The following STOX2 variants were observed in gnomAD, a reference collection of about 807,000 sequenced individuals.
The protein encoded by STOX2 is storkhead box 2, also known as storkhead-box protein 2.
In STOX2, 28 loss-of-function variants were observed where a neutral mutation model predicts 60.9. That is an observed-to-expected ratio of 0.46 (90% CI 0.34 to 0.63). STOX2 has a LOEUF of 0.63. Among genes scored for constraint, STOX2 ranks in the 30% least tolerant of loss-of-function variants. The pLI is 0.01. For missense variants in STOX2, 1,024 were observed against 1,187.7 expected, an observed-to-expected ratio of 0.86 and a Z score of 2.03; for synonymous variants, 472 against 463.9, an observed-to-expected ratio of 1.02 and a Z score of -0.22.
chr4:183,816,211 T>A (rs893369876), intron 1 of STOX2, among the ~76,000 whole-genome samples: 1 of 152,188 alleles, frequency 6.6e-6, no homozygotes, highest in Non-Finnish European at 1.5e-5. Flanking sequence ...TTAGCCTTAG[T>A]CATAAAAGTC....
chr4:183,948,399 T>G (rs552231361), intron 1 of STOX2, among the ~76,000 whole-genome samples: 1 of 151,970 alleles, frequency 6.6e-6, no homozygotes, highest in South Asian at 2.1e-4. Context: ...GGTGGAATGT[T>G]TTCCAGTAGC....
At chr4:183,907,244 C>G (rs1297321340) in intron 1 of STOX2, among the ~76,000 whole-genome samples, 1 of 152,216 alleles carries the variant, frequency 6.6e-6, no homozygotes, top group African/African-American at 2.4e-5. Flanking sequence ...GGCGCTGCAG[C>G]CTCCTCGAGC....
chr4:183,836,258 A>C lies in STOX2; in HGVS notation c.364+38203A>C, dbSNP rs1739705439. Among the ~76,000 whole-genome samples, 1 of 152,010 alleles carries C rather than the reference A, an allele frequency of 6.6e-6. No individual in the cohort carries two copies. Among genetic ancestry groups the C allele is most frequent in the Admixed American group, 6.6e-5 (1 of 15,252 alleles). ...ACTCTCCTTCTCCTGGCTTGTGGAG[A>C]TTGCTTTATCCTCTGAGGTTGCACC... On this transcript the variant is annotated intron_variant, in intron 1 of 2. Transcript: ENST00000513034. This position sits in a 1 kb window ranked among gnomAD's most constrained non-coding sequence, Gnocchi z 4.1.
At position 184,020,876 on chromosome 4, in the gene STOX2, A is replaced by G. The variant is rs572569631; in HGVS notation, c.*3592A>G. 6.6e-6 allele frequency: 1 copy of G among 152,322 alleles called. No homozygotes were observed. The highest frequency in any genetic ancestry group is 2.1e-4 in the South Asian group (1 of 4,828). 9.4% of individuals were successfully genotyped at this position (152,322 alleles called of 1,614,324 possible). A position where few individuals can be genotyped will look rare whatever the true frequency, so the allele number is the denominator to read the frequency against. ...GGTCCCTCTTTTTCATAGCCCAACC[A>G]GCATCTAAAATGTAAATTTAAATTA... On this transcript the variant is annotated 3_prime_UTR_variant, in exon 4 of 4. Transcript: ENST00000308497.
intron 1 of STOX2, among the ~76,000 whole-genome samples, chr4:183,807,116 G>A (rs1738916228): frequency 6.6e-6 from 1 of 152,108 alleles, no homozygotes; most frequent in Non-Finnish European, 1.5e-5. Flanking sequence ...GGGACTGCAG[G>A]CGACCACCAC....
intron 1 of STOX2, among the ~76,000 whole-genome samples, chr4:183,998,176 A>G (rs1392088179): frequency 6.6e-6 from 1 of 152,172 alleles, no homozygotes; most frequent in Non-Finnish European, 1.5e-5. Context: ...TATAATAGGC[A>G]CACGTTGGAA....
At chr4:183,880,774 C>G (rs1740941039) in intron 1 of STOX2, among the ~76,000 whole-genome samples, 1 of 152,186 alleles carries the variant, frequency 6.6e-6, no homozygotes, top group African/African-American at 2.4e-5. Flanking sequence ...ATTTGAACAA[C>G]CAACATGAAA....
intron 1 of STOX2, among the ~76,000 whole-genome samples, chr4:183,843,760 A>C (rs1223934178): frequency 6.6e-6 from 1 of 152,214 alleles, no homozygotes; most frequent in Non-Finnish European, 1.5e-5. Context: ...TTTAGTTATT[A>C]TAAAGGTAAT....
intron 1 of STOX2, among the ~76,000 whole-genome samples, chr4:183,972,938 A>G (rs1743785748): frequency 6.6e-6 from 1 of 152,222 alleles, no homozygotes; most frequent in South Asian, 2.1e-4. Context: ...ACTGAAATAT[A>G]TAATAATCAA....
rs909507137 is a variant in STOX2 at position 183,825,294 on chromosome 4, C to A, written c.364+27239C>A. ...GAGGCTGTGGGCGAGGAAGGAAGGACGTGTTCTTAGGAGGGAGATGCAGCT... is the reference window on the plus strand; with the variant it reads ...GAGGCTGTGGGCGAGGAAGGAAGGAAGTGTTCTTAGGAGGGAGATGCAGCT... On this transcript the variant is annotated intron_variant, in intron 1 of 2. Transcript: ENST00000513034. This position sits in a 1 kb window ranked among gnomAD's most constrained non-coding sequence, Gnocchi z 4.1. 6.6e-6 allele frequency among the ~76,000 whole-genome samples: 1 copy of A among 152,086 alleles called. No individual in the cohort carries two copies. The highest frequency in any genetic ancestry group is 1.5e-5 in the Non-Finnish European group (1 of 68,014).
chr4:183,904,847 C>A (rs1487297894), upstream of STOX2, among the ~76,000 whole-genome samples: 3 of 152,234 alleles, frequency 2.0e-5, no homozygotes, highest in Admixed American at 2.0e-4. Context: ...CTTCCTGAAT[C>A]CTAACCAGCT....
chr4:183,957,557 T>C (rs1323089155), intron 1 of STOX2, among the ~76,000 whole-genome samples: 8 of 152,256 alleles, frequency 5.3e-5, no homozygotes, highest in African/African-American at 1.4e-4. Context: ...AATGGACTCA[T>C]GGATTTCTTT....
At chr4:183,932,447 T>C (rs543617448) in intron 1 of STOX2, among the ~76,000 whole-genome samples, 29 of 130,880 alleles carry the variant, frequency 2.2e-4, no homozygotes, top group East Asian at 1.1e-3. Flanking sequence ...ATACAGTATA[T>C]GTATGTATAC....
chr4:183,816,211 T>C (rs893369876), intron 1 of STOX2, among the ~76,000 whole-genome samples: 26 of 152,188 alleles, frequency 1.7e-4, no homozygotes, highest in African/African-American at 6.0e-4. Flanking sequence ...TTAGCCTTAG[T>C]CATAAAAGTC....
chr4:183,908,971 T>C (rs72695362), intron 1 of STOX2, among the ~76,000 whole-genome samples: 7,508 of 152,294 alleles, frequency 0.049, 221 homozygotes, highest in South Asian at 0.12. Flanking sequence ...TTGGATATAA[T>C]ACGGTTCTTG....
At chr4:183,902,416 C>G (rs953754131), upstream of STOX2, among the ~76,000 whole-genome samples, 1 of 152,050 alleles carries the variant, frequency 6.6e-6, no homozygotes, top group Non-Finnish European at 1.5e-5. Context: ...TTTAAAAGCC[C>G]GATTAAATAA....
At chr4:183,813,557 G>A (rs1050539718) in intron 1 of STOX2, among the ~76,000 whole-genome samples, 1 of 152,122 alleles carries the variant, frequency 6.6e-6, no homozygotes, top group African/African-American at 2.4e-5. Flanking sequence ...TCGTATTCTT[G>A]GTATCTGATC....
chr4:183,820,285 G>A (rs1268499333), intron 1 of STOX2, among the ~76,000 whole-genome samples: 1 of 152,144 alleles, frequency 6.6e-6, no homozygotes, highest in Non-Finnish European at 1.5e-5. Context: ...TAACCTGTTT[G>A]TGCATGTGTG....
At chr4:183,993,129 G>A (rs1451997144) in intron 1 of STOX2, among the ~76,000 whole-genome samples, 5 of 152,182 alleles carry the variant, frequency 3.3e-5, no homozygotes, top group Admixed American at 3.3e-4. Flanking sequence ...CCCTGCCCAC[G>A]AGGATGGCCC....
Sources: allele counts gnomAD v4.1 joint callset (sites outside exome capture counted in the v4.1 genomes callset), GRCh38; gene constraint gnomAD v4.1.1; non-coding constraint Gnocchi (gnomAD v3.1); transcripts MANE v1.5; gene names NCBI Gene and HGNC (gene_info 2026-07-23, HGNC 2026-07-21).